VPS53: variants seen among roughly 807,000 people sequenced by gnomAD.
VPS53 encodes VPS53 subunit of GARP complex.
Under a neutral mutation model 107.0 loss-of-function variants are expected in VPS53, and 70 were observed. That is an observed-to-expected ratio of 0.65 (90% confidence interval 0.54 to 0.80). The LOEUF (loss-of-function observed/expected upper bound fraction) is 0.80, where lower values mean the gene tolerates loss of function less well. Ranked by LOEUF, VPS53 falls within the 30% of genes least tolerant of loss-of-function variation. VPS53 has a pLI of 0.00. For synonymous variants in VPS53, 409 were observed against 393.3 expected (o/e 1.04, Z -0.47); for missense variants, 917 against 1,049.4 (o/e 0.87, Z 1.74).
rs149867678 is a variant in VPS53, at chr17:666,207, C to T, written c.286-4312G>A. 9.7e-4 allele frequency among the ~76,000 whole-genome samples: 148 copies of T among 152,222 alleles called. No homozygotes were observed. In the East Asian group the frequency reaches 0.022, roughly 22 times the overall value. Reference sequence around the variant, plus strand: ...AAGAAAAGATGGCACAGGGCTGACCCTTGGGCATGCCAATATTCAGAAGTC... The same window carrying T: ...AAGAAAAGATGGCACAGGGCTGACCTTTGGGCATGCCAATATTCAGAAGTC... On this transcript the variant is annotated intron_variant, in intron 4 of 21. Coordinates refer to ENST00000437048, the MANE Select transcript of VPS53 (RefSeq NM_001128159.3).
chr17:650,576 T>C (rs1466589236), intron 7 of VPS53, among the ~76,000 whole-genome samples: 1 of 152,088 alleles, frequency 6.6e-6, no homozygotes, highest in Non-Finnish European at 1.5e-5. Context: ...TTTTCAACCA[T>C]AAGATAGATA....
chr17:523,611 G>A (rs1013149003), intron 19 of VPS53, among the ~76,000 whole-genome samples: 8 of 152,218 alleles, frequency 5.3e-5, no homozygotes, highest in Non-Finnish European at 1.0e-4. Flanking sequence ...GAAGACGTCA[G>A]TGTTTTATGT....
intron 11 of VPS53, among the ~76,000 whole-genome samples, chr17:604,328 G>C (rs920729164): frequency 6.6e-6 from 1 of 152,046 alleles, no homozygotes; most frequent in Non-Finnish European, 1.5e-5. Flanking sequence ...AAAACGCAGA[G>C]GGTAGGAAGA....
chr17:606,717 C>T (rs373009706), intron 11 of VPS53, among the ~76,000 whole-genome samples: 1 of 152,266 alleles, frequency 6.6e-6, no homozygotes. Context: ...GCCTGGGCTC[C>T]GCCTCCTGTC....
chr17:600,053 T>G (rs988159818), intron 12 of VPS53: 1 of 152,226 alleles, frequency 6.6e-6, no homozygotes, highest in South Asian at 2.1e-4. Context: ...TTCTGTGTTC[T>G]TAGAATGAGC....
chr17:626,528 G>A (rs1181439849), intron 10 of VPS53, among the ~76,000 whole-genome samples: 1 of 152,200 alleles, frequency 6.6e-6, no homozygotes, highest in East Asian at 1.9e-4. Context: ...ACAAAAATGA[G>A]CCAGGTGTGG....
chr17:659,437 C>T (rs1013539490), intron 5 of VPS53, among the ~76,000 whole-genome samples: 8 of 152,234 alleles, frequency 5.3e-5, no homozygotes, highest in South Asian at 4.1e-4. Context: ...TGCTCCACGA[C>T]GCCTGGTTAA....
At chr17:662,751 G>GGAA in intron 4 of VPS53, among the ~76,000 whole-genome samples, 1 of 80,010 alleles carries the variant, frequency 1.2e-5, no homozygotes, top group Admixed American at 1.6e-4. Flanking sequence ...GACAAAGAAA[G>GGAA]AGAAAGAAAG....
intron 17 of VPS53, among the ~76,000 whole-genome samples, chr17:546,871 T>C (rs920376827): frequency 2.4e-3 from 8 of 3,292 alleles, no homozygotes; most frequent in African/African-American, 0.011. Context: ...CCTTAGATCC[T>C]TTTTTTTTTT....
At chr17:668,534 A>G (rs1971796566) in intron 4 of VPS53, among the ~76,000 whole-genome samples, 1 of 152,204 alleles carries the variant, frequency 6.6e-6, no homozygotes, top group East Asian at 1.9e-4. Context: ...ACATGGGATC[A>G]GTAAATTCTA....
intron 1 of VPS53, among the ~76,000 whole-genome samples, chr17:710,901 C>T (rs1156658891): frequency 6.6e-6 from 1 of 152,034 alleles, no homozygotes; most frequent in East Asian, 1.9e-4. Context: ...GCCGAGATCA[C>T]ACCACTACAC....
intron 5 of VPS53, among the ~76,000 whole-genome samples, chr17:660,042 C>T (rs560970781): frequency 1.4e-4 from 21 of 152,254 alleles, no homozygotes; most frequent in African/African-American, 4.3e-4. Context: ...CTGACTTACA[C>T]GAGACCACCT....
At chr17:590,483 T>C (rs1967584115) in intron 12 of VPS53, among the ~76,000 whole-genome samples, 1 of 151,900 alleles carries the variant, frequency 6.6e-6, no homozygotes, top group Admixed American at 6.6e-5. Context: ...CTTCCAGTTT[T>C]TGCCCATTCA....
At chr17:662,638 G>A (rs959752386) in intron 4 of VPS53, among the ~76,000 whole-genome samples, 12 of 151,450 alleles carry the variant, frequency 7.9e-5, no homozygotes, top group African/African-American at 2.7e-4. Context: ...GCAGTGAGCC[G>A]AAATTGCGCC....
intron 19 of VPS53, among the ~76,000 whole-genome samples, chr17:526,453 G>A (rs2045488569): frequency 6.6e-6 from 1 of 152,182 alleles, no homozygotes; most frequent in Admixed American, 6.6e-5. Flanking sequence ...ACTGAGAGGT[G>A]AAAACCCTGG....
intron 1 of VPS53, 101 bp downstream of exon 1, chr17:714,522 C>T (rs887468009): frequency 2.7e-5 from 31 of 1,157,976 alleles, no homozygotes; most frequent in Non-Finnish European, 3.6e-5. Context: ...CTGCCGCGAG[C>T]CCCCGGCCCT....
intron 19 of VPS53, among the ~76,000 whole-genome samples, chr17:527,408 G>A (rs755134750): frequency 2.0e-5 from 3 of 152,084 alleles, no homozygotes; most frequent in Admixed American, 6.6e-5. Context: ...ACATTCGTGC[G>A]CATGCCTTTG....
chr17:640,635 C>T (rs2143309016), intron 7 of VPS53, among the ~76,000 whole-genome samples: 1 of 152,020 alleles, frequency 6.6e-6, no homozygotes, highest in East Asian at 1.9e-4. Flanking sequence ...TCACAAGTCA[C>T]TTCCTCTCTG....
intron 11 of VPS53, among the ~76,000 whole-genome samples, chr17:609,004 T>C (rs985354426): frequency 6.6e-6 from 1 of 152,204 alleles, no homozygotes; most frequent in Non-Finnish European, 1.5e-5. Flanking sequence ...AAGCCTTTAA[T>C]TCTAAATTGT....
Sources: gnomAD v4.1 joint callset for allele counts (sites outside exome capture counted in the v4.1 genomes callset) on GRCh38, gnomAD v4.1.1 for gene constraint, MANE v1.5 for transcripts, NCBI Gene and HGNC (gene_info 2026-07-23, HGNC 2026-07-21) for gene names.